Variants in IQGAP1 observed in about 807,000 individuals in gnomAD.
IQGAP1 encodes the protein ras GTPase-activating-like protein IQGAP1.
A neutral mutation model predicts 215.6 loss-of-function variants in IQGAP1; 66 were observed. The ratio of observed to expected loss-of-function variants is 0.31; its 90% CI spans 0.25 to 0.38. IQGAP1 has a LOEUF of 0.38. Among genes scored for constraint, IQGAP1 ranks in the 10% least tolerant of loss-of-function variants. The pLI, the probability that IQGAP1 is intolerant of heterozygous loss-of-function variation, is 1.00. For synonymous variants in IQGAP1, 772 were observed against 728.7 expected (o/e 1.06, Z -0.96); for missense variants, 1,712 against 1,997.1 (o/e 0.86, Z 2.72).
chr15:90,429,746 C>A, intron 4 of IQGAP1, 80 bp downstream of exon 4: 1 of 790,174 alleles, frequency 1.3e-6, no homozygotes, highest in Non-Finnish European at 2.0e-6. Context: ...CTCATTCTAC[C>A]TGTAAAATTA....
At chr15:90,485,925 G>T in intron 30 of IQGAP1, 105 bp from the exon 31 acceptor site, 1 of 778,728 alleles carries the variant, frequency 1.3e-6, no homozygotes, top group South Asian at 1.8e-5. Context: ...TTTGAATATA[G>T]GAACTTTGTT....
At chr15:90,499,880 A>G (rs1371394403) in intron 37 of IQGAP1, 115 bp from the exon 38 acceptor site, 2 of 660,170 alleles carry the variant, frequency 3.0e-6, no homozygotes, top group Non-Finnish European at 5.2e-6. Flanking sequence ...TCTGGCACAC[A>G]AGGCAGGCCT....
chr15:90,390,241 C>T (rs920764091), intron 1 of IQGAP1, among the ~76,000 whole-genome samples: 5 of 152,214 alleles, frequency 3.3e-5, no homozygotes, highest in Non-Finnish European at 5.9e-5. Flanking sequence ...TGGAGACAGA[C>T]TCTCCAGGTT....
At chr15:90,402,529 A>G (rs1964817792) in intron 2 of IQGAP1, among the ~76,000 whole-genome samples, 1 of 152,242 alleles carries the variant, frequency 6.6e-6, no homozygotes, top group South Asian at 2.1e-4. Flanking sequence ...CTGTTGGGGC[A>G]GCTGTTTGGG....
chr15:90,428,261 A>G lies in IQGAP1; in HGVS notation c.313-1328A>G, dbSNP rs528413498. ...CTAATTTAAACAAATTTTAGTGTAG[A>G]GATGGGGGTCTCACTATGTTGCCCA... On this transcript the variant is annotated intron_variant, in intron 3 of 37. Coordinates refer to ENST00000268182, the MANE Select transcript of IQGAP1 (RefSeq NM_003870.4). 1.2e-3 allele frequency among the ~76,000 whole-genome samples: 178 copies of G among 152,078 alleles called. 1 individual carries two copies. Among genetic ancestry groups the G allele is most frequent in the African/African-American group, 4.0e-3 (166 of 41,506 alleles).
chr15:90,445,694 C>G (rs183285192), intron 9 of IQGAP1, among the ~76,000 whole-genome samples: 12 of 152,152 alleles, frequency 7.9e-5, no homozygotes, highest in African/African-American at 1.2e-4. Flanking sequence ...TCAAGATACT[C>G]ATAACAATAA....
At position 90,478,823 on chromosome 15, in the gene IQGAP1, C is replaced by T. The variant is rs76904354; in HGVS notation, c.3329+934C>T. 5.5e-3 allele frequency among the ~76,000 whole-genome samples: 838 copies of T among 152,224 alleles called. 5 individuals are homozygous for T. The highest frequency in any genetic ancestry group is 0.019 in the African/African-American group (799 of 41,530). Reference sequence around the variant, plus strand: ...GTGTTTCATTAAAGGAAAAAGAAAACGGTGTGGAGTGAGCTTCCCTGAAAT... The same window carrying T: ...GTGTTTCATTAAAGGAAAAAGAAAATGGTGTGGAGTGAGCTTCCCTGAAAT... On this transcript the variant is annotated intron_variant, in intron 26 of 37. Transcript: ENST00000268182.
At chr15:90,429,745 C>A in intron 4 of IQGAP1, 79 bp downstream of exon 4, 1 of 793,808 alleles carries the variant, frequency 1.3e-6, no homozygotes, top group Non-Finnish European at 2.0e-6. Flanking sequence ...TCTCATTCTA[C>A]CTGTAAAATT....
intron 31 of IQGAP1, chr15:90,486,443 TTTTG>T (rs771912285): frequency 3.9e-5 from 9 of 230,240 alleles, no homozygotes; most frequent in Non-Finnish European, 6.9e-5. Flanking sequence ...GAAAGAATTT[TTTTG>T]TTTGTTTGTT....
chr15:90,434,063 C>G (rs1042656462), intron 5 of IQGAP1, among the ~76,000 whole-genome samples: 9 of 152,072 alleles, frequency 5.9e-5, no homozygotes, highest in African/African-American at 2.2e-4. Flanking sequence ...TTTCTGTGAA[C>G]TATGCATTCA....
chr15:90,486,769 G>A (rs1179609680), intron 31 of IQGAP1, 185 bp from the exon 32 acceptor site: 2 of 599,562 alleles, frequency 3.3e-6, no homozygotes, highest in Non-Finnish European at 5.9e-6. Context: ...GAGTTATTAT[G>A]GATCCCTTGC....
At chr15:90,480,417 T>C (rs546255464) in intron 26 of IQGAP1, among the ~76,000 whole-genome samples, 2 of 152,274 alleles carry the variant, frequency 1.3e-5, no homozygotes, top group African/African-American at 2.4e-5. Context: ...TTTCCTAAAA[T>C]CTCAAAGTTA....
intron 17 of IQGAP1, among the ~76,000 whole-genome samples, chr15:90,466,659 A>G (rs1269534633): frequency 6.7e-6 from 1 of 148,258 alleles, no homozygotes; most frequent in Non-Finnish European, 1.5e-5. Flanking sequence ...AGAATGTGGG[A>G]AAGATTAAAA....
In IQGAP1 at chr15:90,452,852, C is replaced by T. The variant is rs771799780; in HGVS notation, c.1240C>T (p.Pro414Ser). Residue 414 changes from proline to serine, a missense_variant, in exon 12 of 38, where the codon CCC (proline) becomes TCC (serine). Pro to Ser is a moderately conservative substitution (Grantham distance 74). Around this residue, in one of 2 missense-constraint regions of IQGAP1, gnomAD observed 1,021 missense variants for 1,074.2 expected, o/e 0.95. Coordinates refer to ENST00000268182, the MANE Select transcript of IQGAP1 (RefSeq NM_003870.4). ...GAAGACTGTTTTGGAACTGATGAATCCCGAAGCCCAGCTGCCCCAGGTGTA... is the reference window on the plus strand; with the variant it reads ...GAAGACTGTTTTGGAACTGATGAATTCCGAAGCCCAGCTGCCCCAGGTGTA... ...AEKTVLELMN[P>S]EAQLPQVYPF... is the part of the protein sequence containing the mutation. The T allele has an allele frequency of 5.0e-6, 8 of 1,614,118 alleles. No homozygotes were observed. In the Admixed American group the frequency reaches 1.2e-4, roughly 24 times the overall value.
intron 4 of IQGAP1, among the ~76,000 whole-genome samples, chr15:90,432,878 A>C (rs569264220): frequency 6.6e-6 from 1 of 152,180 alleles, no homozygotes; most frequent in African/African-American, 2.4e-5. Context: ...ATGGTGCCAC[A>C]TGACTGTGAG....
intron 3 of IQGAP1, 107 bp from the exon 4 acceptor site, chr15:90,429,482 T>G: frequency 1.3e-6 from 1 of 781,650 alleles, no homozygotes; most frequent in Non-Finnish European, 2.0e-6. Context: ...ACATCAAAAT[T>G]AAGGAAAATT....
chr15:90,419,989 T>C (rs897707745), intron 2 of IQGAP1, among the ~76,000 whole-genome samples: 3 of 152,210 alleles, frequency 2.0e-5, no homozygotes, highest in Non-Finnish European at 4.4e-5. Context: ...GGCACTGTTC[T>C]TAGTATTTTA....
chr15:90,396,444 C>G (rs1281462544), intron 2 of IQGAP1, among the ~76,000 whole-genome samples: 2 of 152,162 alleles, frequency 1.3e-5, no homozygotes, highest in Non-Finnish European at 2.9e-5. Context: ...GTGACCCAAG[C>G]TCTCTTTGTA....
chr15:90,479,995 A>G (rs1056309899), intron 26 of IQGAP1, among the ~76,000 whole-genome samples: 5 of 152,096 alleles, frequency 3.3e-5, no homozygotes, highest in Non-Finnish European at 7.4e-5. Flanking sequence ...CTGATGGTCC[A>G]TGAGTCAGTC....
Sources: gnomAD v4.1 joint callset for allele counts (sites outside exome capture counted in the v4.1 genomes callset) on GRCh38, gnomAD v4.1.1 for gene constraint, gnomAD v4.1.1 regional missense constraint, MANE v1.5 for transcripts, NCBI Gene and HGNC (gene_info 2026-07-23, HGNC 2026-07-21) for gene names.